MB21D2: variants seen among roughly 807,000 people sequenced by gnomAD.
MB21D2 encodes the protein nucleotidyltransferase MB21D2.
MB21D2 carries 9 observed loss-of-function variants against 33.3 expected under a neutral mutation model. The observed-to-expected ratio is 0.27, with a 90% CI of 0.16 to 0.47. MB21D2 has a LOEUF of 0.47. MB21D2 is among the 20% of genes least tolerant of loss of function. The probability of loss-of-function intolerance (pLI) is 0.99; values close to 1 mark genes in which losing one functional copy is unlikely to be tolerated. For missense variants in MB21D2, 540 were observed against 624.6 expected, an observed-to-expected ratio of 0.86 and a Z score of 1.44; for synonymous variants, 241 against 236.3, an observed-to-expected ratio of 1.02 and a Z score of -0.18.
At chr3:192,894,896 TAAG>T (rs1713932128) in intron 1 of MB21D2, among the ~76,000 whole-genome samples, 1 of 152,174 alleles carries the variant, frequency 6.6e-6, no homozygotes, top group Non-Finnish European at 1.5e-5. Context: ...ATAAGACTGA[TAAG>T]AAAGACAAAC....
intron 1 of MB21D2, among the ~76,000 whole-genome samples, chr3:192,805,290 G>C (rs1335505506): frequency 1.3e-5 from 2 of 152,154 alleles, no homozygotes; most frequent in Non-Finnish European, 2.9e-5. Flanking sequence ...TGCCTTGATA[G>C]AGCCATTAGT....
At chr3:192,882,493 C>T (rs891061131) in intron 1 of MB21D2, among the ~76,000 whole-genome samples, 5 of 152,136 alleles carry the variant, frequency 3.3e-5, no homozygotes, top group Admixed American at 1.3e-4. Context: ...AGGAAGGCAG[C>T]ATGTCCTTTC....
At chr3:192,848,919 C>G (rs1268009599) in intron 1 of MB21D2, among the ~76,000 whole-genome samples, 1 of 152,164 alleles carries the variant, frequency 6.6e-6, no homozygotes, top group Admixed American at 6.5e-5. Flanking sequence ...GAAAAGAAAA[C>G]AAATGAATTC....
At chr3:192,898,655 TAAAA>T (rs1318275043) in intron 1 of MB21D2, among the ~76,000 whole-genome samples, 1 of 151,832 alleles carries the variant, frequency 6.6e-6, no homozygotes, top group East Asian at 1.9e-4. Flanking sequence ...TTCAGGCAAT[TAAAA>T]AAAAGACAGA....
Position 192,799,135 on chromosome 3 carries a change from C to T in MB21D2, c.727G>A (p.Gly243Ser). 6.2e-7 allele frequency: 1 copy of T among 1,614,190 alleles called. No homozygotes were observed. Among genetic ancestry groups the T allele is most frequent in the Non-Finnish European group, 8.5e-7 (1 of 1,180,028 alleles). ...YDIVPVVSFK[G>S]WPAVAQSWLM... Reference sequence around the variant, plus strand: ...CAGCTCTGGGCCACTGCAGGCCAACCTTTGAAAGATACCACAGGGACAATA... The same window carrying T: ...CAGCTCTGGGCCACTGCAGGCCAACTTTTGAAAGATACCACAGGGACAATA... Residue 243 changes from glycine (G) to serine (S), a missense_variant, in exon 2 of 2, where the codon GGT becomes AGT. Coordinates refer to ENST00000392452, the MANE Select transcript of MB21D2 (RefSeq NM_178496.4). The surrounding 1 kb of genome is among the most constrained non-coding windows in gnomAD (Gnocchi z 4.1).
At chr3:192,827,992 C>G (rs1195654843) in intron 1 of MB21D2, among the ~76,000 whole-genome samples, 1 of 152,048 alleles carries the variant, frequency 6.6e-6, no homozygotes, top group African/African-American at 2.4e-5. Flanking sequence ...CTCATGAGAT[C>G]TGATGGCTTT....
In MB21D2 at chr3:192,846,719, G is replaced by A. The variant is rs141483388; in HGVS notation, c.212-47069C>T. On this transcript the variant is annotated intron_variant, in intron 1 of 1. Transcript: ENST00000392452. ...CATTTGACCAAGCCATATTCCAAACGTGCACTACTGAGAAGCACACTCCCT... is the reference window on the plus strand; with the variant it reads ...CATTTGACCAAGCCATATTCCAAACATGCACTACTGAGAAGCACACTCCCT... Among the ~76,000 whole-genome samples, 841 of 152,178 alleles carry A rather than the reference G, an allele frequency of 5.5e-3. 6 individuals are homozygous for A. The highest frequency in any genetic ancestry group is 0.018 in the African/African-American group (764 of 41,516).
chr3:192,839,541 G>C (rs1368973218), intron 1 of MB21D2, among the ~76,000 whole-genome samples: 1 of 152,188 alleles, frequency 6.6e-6, no homozygotes, highest in Non-Finnish European at 1.5e-5. Context: ...ACAGTAAGAA[G>C]AAATAGCACA....
chr3:192,803,459 C>T (rs946458114), intron 1 of MB21D2, among the ~76,000 whole-genome samples: 4 of 152,212 alleles, frequency 2.6e-5, no homozygotes, highest in Admixed American at 2.6e-4. Context: ...TAAGGCCACA[C>T]TGTTCCAGAA....
intron 1 of MB21D2, among the ~76,000 whole-genome samples, chr3:192,852,463 G>A (rs1207298147): frequency 6.6e-6 from 1 of 152,130 alleles, no homozygotes; most frequent in African/African-American, 2.4e-5. Flanking sequence ...CTTGCAACCT[G>A]CTTCATATAC....
chr3:192,870,734 A>G (rs1713276649), intron 1 of MB21D2, among the ~76,000 whole-genome samples: 1 of 137,710 alleles, frequency 7.3e-6, no homozygotes, highest in Non-Finnish European at 1.5e-5. Context: ...GGAGAGAAGA[A>G]GGAAGGAAGG....
Position 192,796,942 on chromosome 3 carries a change from A to G in MB21D2, c.*1444T>C, listed in dbSNP as rs1057343061. ...AAAAACCCAAGATCGCATATGTCTG[A>G]TTTCAATTGGCCAAAATCCAACCCT... is the stretch of plus-strand genomic sequence containing the variant. On this transcript the variant is annotated 3_prime_UTR_variant, in exon 2 of 2. Coordinates refer to ENST00000392452, the MANE Select transcript of MB21D2 (RefSeq NM_178496.4). The G allele has an allele frequency of 2.6e-5, 4 of 152,642 alleles. No individual in the cohort carries two copies. Among genetic ancestry groups the G allele is most frequent in the Non-Finnish European group, 5.9e-5 (4 of 68,024 alleles). 9.5% of individuals were successfully genotyped at this position (152,642 alleles called of 1,614,324 possible). A position where few individuals can be genotyped will look rare whatever the true frequency, so the allele number is the denominator to read the frequency against.
rs556703537 is a variant in MB21D2 at position 192,895,318 on chromosome 3, CAT to C, written c.211+22310_211+22311del. ...GGAGTTCCATACTCCCACACCCAGACATAGTCCCCCATCATCTCCAAATCAGG... is the reference window on the plus strand; with the variant it reads ...GGAGTTCCATACTCCCACACCCAGACAGTCCCCCATCATCTCCAAATCAGG... On this transcript the variant is annotated intron_variant, in intron 1 of 1. Coordinates refer to ENST00000392452, the MANE Select transcript of MB21D2 (RefSeq NM_178496.4). 5.9e-5 allele frequency among the ~76,000 whole-genome samples: 9 copies of C among 152,342 alleles called. No individual in the cohort carries two copies. In the South Asian group the frequency reaches 1.7e-3, roughly 28 times the overall value.
At chr3:192,820,134 G>A (rs902120574) in intron 1 of MB21D2, among the ~76,000 whole-genome samples, 2 of 152,140 alleles carry the variant, frequency 1.3e-5, no homozygotes, top group East Asian at 3.8e-4. Context: ...GGAGGGAGAT[G>A]CGATATTAAG....
At chr3:192,896,632 C>A (rs1341583256) in intron 1 of MB21D2, among the ~76,000 whole-genome samples, 1 of 152,220 alleles carries the variant, frequency 6.6e-6, no homozygotes, top group Non-Finnish European at 1.5e-5. Flanking sequence ...CACAGAACCA[C>A]AAATTTTGCC....
At chr3:192,849,181 G>A (rs1712733619) in intron 1 of MB21D2, among the ~76,000 whole-genome samples, 1 of 152,142 alleles carries the variant, frequency 6.6e-6, no homozygotes, top group African/African-American at 2.4e-5. Flanking sequence ...ACCACTCCGT[G>A]CTCCCATGCT....
rs181275301 is a variant in MB21D2 at position 192,903,672 on chromosome 3, T to C, written c.211+13958A>G. Among the ~76,000 whole-genome samples the C allele has an allele frequency of 7.6e-4, 116 of 152,294 alleles. 1 individual carries two copies. The highest frequency in any genetic ancestry group is 2.6e-3 in the African/African-American group (108 of 41,568). On this transcript the variant is annotated intron_variant, in intron 1 of 1. Coordinates refer to ENST00000392452, the MANE Select transcript of MB21D2 (RefSeq NM_178496.4). ...TGCTCTCCCAACAACCGGTATCTCA[T>C]GTTGAAATGTAATCCCCAGAGTTAG...
rs562784732 is a variant in MB21D2 at position 192,885,496 on chromosome 3, C to T, written c.211+32134G>A. ...AGAACTGATCAGTTGCCTCCACATG[C>T]ACAGCAGGAAAACTCCGAAGTGGGG... is the stretch of plus-strand genomic sequence containing the variant. On this transcript the variant is annotated intron_variant, in intron 1 of 1. Coordinates refer to ENST00000392452, the MANE Select transcript of MB21D2 (RefSeq NM_178496.4). 2.2e-4 allele frequency among the ~76,000 whole-genome samples: 34 copies of T among 152,146 alleles called. 1 individual carries two copies. Among genetic ancestry groups the T allele is most frequent in the African/African-American group, 8.2e-4 (34 of 41,440 alleles).
intron 1 of MB21D2, among the ~76,000 whole-genome samples, chr3:192,913,972 C>T (rs1714409343): frequency 6.6e-6 from 1 of 152,190 alleles, no homozygotes; most frequent in African/African-American, 2.4e-5. Context: ...TTATAGAATA[C>T]TTGAACTCAG....
Sources: allele counts gnomAD v4.1 joint callset (sites outside exome capture counted in the v4.1 genomes callset), GRCh38; gene constraint gnomAD v4.1.1; non-coding constraint Gnocchi (gnomAD v3.1); transcripts MANE v1.5; gene names NCBI Gene and HGNC (gene_info 2026-07-23, HGNC 2026-07-21).